KLHL18: variants seen among roughly 807,000 people sequenced by gnomAD.
The protein encoded by KLHL18 is kelch like family member 18, also known as kelch-like protein 18.
Under a neutral mutation model 58.5 loss-of-function variants are expected in KLHL18, and 38 were observed. That is an observed-to-expected ratio of 0.65 (90% CI 0.50 to 0.85). The LOEUF is 0.85. Among genes scored for constraint, KLHL18 ranks in the 40% least tolerant of loss-of-function variants. KLHL18 has a pLI of 0.00. For missense variants in KLHL18, 624 were observed against 778.4 expected (o/e 0.80, Z 2.36); for synonymous variants, 303 against 301.9 (o/e 1.00, Z -0.04).
In KLHL18 at chr3:47,346,084, CT is replaced by C. The variant is rs1704220770; in HGVS notation, c.*2147del. 3 of 152,184 alleles carry C rather than the reference CT, an allele frequency of 2.0e-5. No individual in the cohort carries two copies. Among genetic ancestry groups the C allele is most frequent in the Admixed American group, 6.6e-5 (1 of 15,252 alleles). 9.4% of individuals were successfully genotyped at this position (152,184 alleles called of 1,614,324 possible). A position where few individuals can be genotyped will look rare whatever the true frequency, so the allele number is the denominator to read the frequency against. ...TGCTTGTCTTATTATAAGCCCCTTT[CT>C]TTTGTGAATTTGAAGTAGCACCAAC... On this transcript the variant is annotated 3_prime_UTR_variant, in exon 10 of 10. Transcript: ENST00000232766.
Position 47,344,912 on chromosome 3 carries a change from A to G in KLHL18, c.*971A>G, listed in dbSNP as rs1287604593. On this transcript the variant is annotated 3_prime_UTR_variant, in exon 10 of 10. Coordinates refer to ENST00000232766, the MANE Select transcript of KLHL18 (RefSeq NM_025010.5). ...CATGGGGTTTGTCTTCTCACCCACC[A>G]TCAGAGGACTTTTAAAATCATAGGC... The G allele has an allele frequency of 6.8e-6, 1 of 147,960 alleles. No homozygotes were observed. The highest frequency in any genetic ancestry group is 1.5e-5 in the Non-Finnish European group (1 of 67,084). 9.2% of individuals were successfully genotyped at this position (147,960 alleles called of 1,614,324 possible). A position where few individuals can be genotyped will look rare whatever the true frequency, so the allele number is the denominator to read the frequency against.
Position 47,342,717 on chromosome 3 carries a change from A to G in KLHL18, c.1227-2A>G. ...CCCTCCTATTTTGACTCTTTCCTGA[A>G]GATGGACAGTGGTGACCTCGATGAG... On this transcript the variant is annotated splice_acceptor_variant, in intron 8 of 9. Coordinates refer to ENST00000232766, the MANE Select transcript of KLHL18 (RefSeq NM_025010.5). LOFTEE classifies it high-confidence loss of function. The G allele has an allele frequency of 6.2e-7, 1 of 1,613,496 alleles. No individual in the cohort carries two copies. Among genetic ancestry groups the G allele is most frequent in the Non-Finnish European group, 8.5e-7 (1 of 1,179,430 alleles).
intron 1 of KLHL18, among the ~76,000 whole-genome samples, chr3:47,304,130 G>T (rs534000806): frequency 6.6e-6 from 1 of 152,158 alleles, no homozygotes. Context: ...TCATGTGCTT[G>T]TTGGCCATTT....
intron 1 of KLHL18, among the ~76,000 whole-genome samples, chr3:47,292,609 CA>C: frequency 6.6e-6 from 1 of 151,700 alleles, no homozygotes; most frequent in African/African-American, 2.4e-5. Context: ...AATGGATAAA[CA>C]AAATATGGTA....
At chr3:47,316,651 GTATA>G (rs71098475) in intron 1 of KLHL18, among the ~76,000 whole-genome samples, 1 of 92,686 alleles carries the variant, frequency 1.1e-5, no homozygotes, top group Non-Finnish European at 2.3e-5. Flanking sequence ...ATATGTGTGT[GTATA>G]TATACATATA....
intron 4 of KLHL18, 127 bp downstream of exon 4, chr3:47,330,276 G>A (rs1703825861): frequency 6.2e-6 from 5 of 806,514 alleles, no homozygotes; most frequent in Non-Finnish European, 9.9e-6. Context: ...TATATTATTG[G>A]GCTTGTTTTA....
rs182427610 is a variant in KLHL18, at chr3:47,315,982, G to A, written c.130-3671G>A. On this transcript the variant is annotated intron_variant, in intron 1 of 9. Coordinates refer to ENST00000232766, the MANE Select transcript of KLHL18 (RefSeq NM_025010.5). ...AAGATTGTAAGATAGGGTTGAAGAA[G>A]TTTCCTCACTGATAGACCAAATGAA... Among the ~76,000 whole-genome samples the A allele has an allele frequency of 7.7e-3, 1,170 of 152,236 alleles. 17 individuals carry two copies. The highest frequency in any genetic ancestry group is 0.027 in the African/African-American group (1,115 of 41,564).
intron 1 of KLHL18, 161 bp downstream of exon 1, chr3:47,283,255 A>T: frequency 3.3e-6 from 2 of 603,890 alleles, no homozygotes; most frequent in Non-Finnish European, 5.5e-6. Flanking sequence ...GCAAAAGGGG[A>T]TCGGGGCCGA....
intron 1 of KLHL18, among the ~76,000 whole-genome samples, chr3:47,318,837 C>T (rs1703517177): frequency 6.6e-6 from 1 of 152,186 alleles, no homozygotes; most frequent in African/African-American, 2.4e-5. Context: ...ATCTTCCAAC[C>T]TCAATCCTTG....
In KLHL18 at chr3:47,302,696, G is replaced by A. The variant is rs139031831; in HGVS notation, c.130-16957G>A. ...GACCTACACAGTTCAAGCCGGTGTC[G>A]TTCAAGGATCAACTGTACATTGTCA... On this transcript the variant is annotated intron_variant, in intron 1 of 9. Transcript: ENST00000232766. 1.0e-3 allele frequency among the ~76,000 whole-genome samples: 152 copies of A among 152,250 alleles called. 1 individual carries two copies. The highest frequency in any genetic ancestry group is 3.4e-3 in the African/African-American group (140 of 41,548).
intron 1 of KLHL18, among the ~76,000 whole-genome samples, chr3:47,294,673 G>A (rs1301268819): frequency 2.0e-5 from 3 of 152,172 alleles, no homozygotes; most frequent in Non-Finnish European, 1.5e-5. Context: ...TTCCTTGCAT[G>A]TGTATGGTAT....
At chr3:47,315,034 C>G (rs1703388764) in intron 1 of KLHL18, among the ~76,000 whole-genome samples, 1 of 152,142 alleles carries the variant, frequency 6.6e-6, no homozygotes. Flanking sequence ...TTAAACACAG[C>G]CAGTTGAACA....
chr3:47,311,665 C>A lies in KLHL18; in HGVS notation c.130-7988C>A, dbSNP rs34750878. ...CGAGATTGCGCCACTGCACTCCAGC[C>A]TGGTGACAGAGCAAGACTCTGTCTC... On this transcript the variant is annotated intron_variant, in intron 1 of 9. Transcript: ENST00000232766. Among the ~76,000 whole-genome samples, 1,074 of 152,270 alleles carry A rather than the reference C, an allele frequency of 7.1e-3. 9 individuals carry two copies. Among genetic ancestry groups the A allele is most frequent in the South Asian group, 0.014 (68 of 4,826 alleles).
intron 2 of KLHL18, among the ~76,000 whole-genome samples, chr3:47,320,017 T>C (rs932956843): frequency 6.6e-6 from 1 of 152,038 alleles, no homozygotes; most frequent in Non-Finnish European, 1.5e-5. Flanking sequence ...ATACATTTAA[T>C]AGGACCTAGA....
At chr3:47,294,716 A>G (rs1238572523) in intron 1 of KLHL18, among the ~76,000 whole-genome samples, 1 of 152,230 alleles carries the variant, frequency 6.6e-6, no homozygotes, top group East Asian at 1.9e-4. Flanking sequence ...TGAATGAATG[A>G]AACCAATCAA....
At position 47,319,645 on chromosome 3, in the gene KLHL18, G is replaced by GC. The variant is rs1360932665; in HGVS notation, c.130-5dup. On this transcript the variant is annotated splice_polypyrimidine_tract_variant and splice_region_variant and intron_variant, in intron 1 of 9. Transcript: ENST00000232766. The stretch of plus-strand genomic sequence containing the variant: ...AATATCTGTCTTTGTATTTTACTTT[G>GC]CCCACAGATTGGGGACCACAAATTC... 1 of 1,606,830 alleles carries GC rather than the reference G, an allele frequency of 6.2e-7. No individual in the cohort carries two copies. The highest frequency in any genetic ancestry group is 1.3e-5 in the African/African-American group (1 of 74,352).
intron 3 of KLHL18, among the ~76,000 whole-genome samples, chr3:47,327,215 G>A (rs746605362): frequency 6.6e-6 from 1 of 151,958 alleles, no homozygotes; most frequent in Admixed American, 6.6e-5. Context: ...CTCTAGCCTC[G>A]GCAACACCAG....
intron 1 of KLHL18, among the ~76,000 whole-genome samples, chr3:47,300,081 C>T (rs1296577673): frequency 1.3e-5 from 2 of 150,748 alleles, no homozygotes; most frequent in Non-Finnish European, 1.5e-5. Flanking sequence ...TTTCTCACTC[C>T]CTGTCCTCTT....
At chr3:47,338,464 G>A (rs1472090798) in intron 7 of KLHL18, 1 of 152,210 alleles carries the variant, frequency 6.6e-6, no homozygotes, top group Non-Finnish European at 1.5e-5. Context: ...TGGTTCAGGG[G>A]GTCAGTTATC....
Sources: allele counts gnomAD v4.1 joint callset (sites outside exome capture counted in the v4.1 genomes callset), GRCh38; gene constraint gnomAD v4.1.1; transcripts MANE v1.5; gene names NCBI Gene and HGNC (gene_info 2026-07-23, HGNC 2026-07-21).